TP53BP1: variants seen among roughly 807,000 people sequenced by gnomAD.
The protein encoded by TP53BP1 is TP53-binding protein 1.
In TP53BP1, 61 loss-of-function variants were observed where a neutral mutation model predicts 200.8. That is an observed-to-expected ratio of 0.30 (90% CI 0.25 to 0.38). The LOEUF is 0.38. Ranked by LOEUF, TP53BP1 falls within the 10% of genes least tolerant of loss-of-function variation. TP53BP1 has a pLI of 1.00. For synonymous variants in TP53BP1, 822 were observed against 844.3 expected, an observed-to-expected ratio of 0.97 and a Z score of 0.46; for missense variants, 2,144 against 2,371.9, an observed-to-expected ratio of 0.90 and a Z score of 2.00.
At chr15:43,407,664 C>T in intron 27 of TP53BP1, 94 bp from the exon 28 acceptor site, 1 of 1,218,876 alleles carries the variant, frequency 8.2e-7, no homozygotes, top group Non-Finnish European at 1.1e-6. Context: ...ACATCCCACT[C>T]TGCACAAACC....
chr15:43,474,043 G>A (rs997769701), intron 10 of TP53BP1, among the ~76,000 whole-genome samples: 3 of 152,232 alleles, frequency 2.0e-5, no homozygotes, highest in African/African-American at 7.2e-5. Flanking sequence ...AGTAAGGCCC[G>A]GCGAGAAATC....
At chr15:43,455,284 TAC>T (rs2046266201) in intron 12 of TP53BP1, among the ~76,000 whole-genome samples, 2 of 151,944 alleles carry the variant, frequency 1.3e-5, no homozygotes, top group African/African-American at 2.4e-5. Context: ...TCAAAATCTA[TAC>T]ACAGAGAGCA....
chr15:43,421,977 G>C lies in TP53BP1; in HGVS notation c.3978C>G (p.Leu1326=). The stretch of plus-strand genomic sequence containing the variant: ...AGCTTCCACTGCTGTGCATAGCTGA[G>C]AGACTTGTCCCACTTGATGTGCGGT... ...SLHRTSSGTS[L]SAMHSSGSSG... The change falls in exon 19 of 28, where the codon CTC becomes CTG. Residue 1326 remains leucine, a synonymous_variant. Transcript: ENST00000382044. 6.2e-7 allele frequency: 1 copy of C among 1,614,216 alleles called. No individual in the cohort carries two copies. The highest frequency in any genetic ancestry group is 8.5e-7 in the Non-Finnish European group (1 of 1,180,046).
chr15:43,479,303 T>C, intron 7 of TP53BP1, 94 bp downstream of exon 7: 2 of 1,332,490 alleles, frequency 1.5e-6, no homozygotes, highest in Non-Finnish European at 1.0e-6. Context: ...AATTTAAAAA[T>C]CAACAATTTC....
chr15:43,408,816 ACT>A, intron 26 of TP53BP1, 79 bp downstream of exon 26: 3 of 1,393,028 alleles, frequency 2.2e-6, no homozygotes, highest in Admixed American at 1.8e-5. Context: ...AGAAAGCTTT[ACT>A]CTCTCACCTA....
chr15:43,447,994 T>C (rs2046082487), intron 12 of TP53BP1, among the ~76,000 whole-genome samples: 1 of 152,178 alleles, frequency 6.6e-6, no homozygotes, highest in African/African-American at 2.4e-5. Context: ...ACAGAGGATC[T>C]CACGGGTTAA....
chr15:43,474,825 G>T, intron 9 of TP53BP1, 58 bp from the exon 10 acceptor site: 2 of 1,271,952 alleles, frequency 1.6e-6, no homozygotes, highest in Non-Finnish European at 2.3e-6. Context: ...TTGCATTTCT[G>T]TATTTGCTTT....
chr15:43,447,749 G>C lies in TP53BP1; in HGVS notation c.2717-264C>G, dbSNP rs184348010. Among the ~76,000 whole-genome samples, 15 of 152,098 alleles carry C rather than the reference G, an allele frequency of 9.9e-5. No individual in the cohort carries two copies. In the East Asian group the frequency reaches 2.9e-3, roughly 30 times the overall value. ...GAGGACAGGCAAATTGAGAAAGCCCGAAGTCTGCAAGACCTGAGGAACCTG... is the reference window on the plus strand; with the variant it reads ...GAGGACAGGCAAATTGAGAAAGCCCCAAGTCTGCAAGACCTGAGGAACCTG... On this transcript the variant is annotated intron_variant, in intron 12 of 27. Transcript: ENST00000382044.
chr15:43,477,914 C>T (rs1379461766), intron 7 of TP53BP1, among the ~76,000 whole-genome samples, 155 bp from the exon 8 acceptor site: 1 of 152,184 alleles, frequency 6.6e-6, no homozygotes, highest in Non-Finnish European at 1.5e-5. Context: ...ATAAACTACT[C>T]TTTATAGTGA....
At chr15:43,497,886 G>A (rs1418952780), upstream of TP53BP1, among the ~76,000 whole-genome samples, 7 of 152,178 alleles carry the variant, frequency 4.6e-5, no homozygotes, top group African/African-American at 1.7e-4. Context: ...GTACATTTAT[G>A]TTATGTGTAT....
At chr15:43,507,497 G>T (rs989536774) in intron 1 of TP53BP1, among the ~76,000 whole-genome samples, 4 of 152,174 alleles carry the variant, frequency 2.6e-5, no homozygotes, top group Non-Finnish European at 2.9e-5. Flanking sequence ...CCCTCCACTG[G>T]TAACACCCTT....
chr15:43,459,352 C>A (rs1465559987), intron 11 of TP53BP1, among the ~76,000 whole-genome samples: 1 of 151,886 alleles, frequency 6.6e-6, no homozygotes, highest in Non-Finnish European at 1.5e-5. Context: ...AAAAGATGTG[C>A]AAATGATCAT....
At chr15:43,462,424 C>T (rs960184065) in intron 11 of TP53BP1, among the ~76,000 whole-genome samples, 9 of 152,116 alleles carry the variant, frequency 5.9e-5, no homozygotes, top group African/African-American at 1.7e-4. Context: ...GCTCATACTG[C>T]TCCCCAGCAC....
Position 43,403,995 on chromosome 15 carries a change from A to G in TP53BP1, c.*3388T>C, listed in dbSNP as rs943196925. The G allele has an allele frequency of 5.1e-6, 3 of 587,942 alleles. No individual in the cohort carries two copies. In the South Asian group the frequency reaches 6.3e-5, roughly 12 times the overall value. The allele number at this position is 587,942 out of a possible 1,614,324, so 36.4% of individuals were successfully genotyped here. On this transcript the variant is annotated 3_prime_UTR_variant, in exon 28 of 28. Transcript: ENST00000382044. The stretch of plus-strand genomic sequence containing the variant: ...ATACTGTGCCACCTCACAGTGCTCA[A>G]AAATAGTTCAGTCCTGAATAGTTTA...
intron 1 of TP53BP1, among the ~76,000 whole-genome samples, chr15:43,509,528 C>T (rs1205020166): frequency 6.6e-6 from 1 of 152,150 alleles, no homozygotes; most frequent in Admixed American, 6.6e-5. Context: ...CCTGCCTCAG[C>T]CTCCCGAGTA....
intron 21 of TP53BP1, among the ~76,000 whole-genome samples, chr15:43,419,495 G>A (rs1162259217): frequency 2.1e-5 from 3 of 144,420 alleles, no homozygotes; most frequent in African/African-American, 2.6e-5. Context: ...GAGTAGCTAC[G>A]ACAACAAGCA....
rs778745960 is a variant in TP53BP1 at position 43,438,453 on chromosome 15, TGAAAA to T, written c.3099-42_3099-38del. 3.2e-5 allele frequency: 49 copies of T among 1,538,114 alleles called. 1 individual carries two copies. Among genetic ancestry groups the T allele is most frequent in the Non-Finnish European group, 4.3e-5 (48 of 1,129,024 alleles). On this transcript the variant is annotated intron_variant, in intron 15 of 27. Transcript: ENST00000382044. ...TATTAAAGCAATATATTGTTAACTT[TGAAAA>T]GAAAAGTACTTTTGGAGATTATCCT...
intron 11 of TP53BP1, among the ~76,000 whole-genome samples, chr15:43,464,687 T>G (rs1415739799): frequency 6.6e-6 from 1 of 152,068 alleles, no homozygotes; most frequent in East Asian, 1.9e-4. Context: ...GCGGATCACC[T>G]GAGGTCGGGA....
intron 5 of TP53BP1, 110 bp downstream of exon 5, chr15:43,480,780 CAATTT>C (rs2140124706): frequency 3.4e-6 from 4 of 1,184,670 alleles, no homozygotes; most frequent in Non-Finnish European, 4.8e-6. Flanking sequence ...TAATGACTCT[CAATTT>C]AATTATGAGA....
Sources: gnomAD v4.1 joint callset for allele counts (sites outside exome capture counted in the v4.1 genomes callset) on GRCh38, gnomAD v4.1.1 for gene constraint, MANE v1.5 for transcripts, NCBI Gene and HGNC (gene_info 2026-07-23, HGNC 2026-07-21) for gene names.